The following CWF19L2 variants were observed in gnomAD, a reference collection of about 807,000 sequenced individuals.
CWF19L2 encodes the protein CWF19-like protein 2.
In CWF19L2, 98 loss-of-function variants were observed where a neutral mutation model predicts 111.7. The ratio of observed to expected loss-of-function variants is 0.88; its 90% CI spans 0.75 to 1.04. The LOEUF is 1.04. Ranked by LOEUF, CWF19L2 falls within the 50% of genes least tolerant of loss-of-function variation. CWF19L2 has a pLI of 0.00. For missense variants in CWF19L2, 1,101 were observed against 1,051.4 expected, an observed-to-expected ratio of 1.05 and a Z score of -0.65; for synonymous variants, 351 against 342.9, an observed-to-expected ratio of 1.02 and a Z score of -0.26.
At chr11:107,383,169 G>C (rs77679833) in intron 12 of CWF19L2, among the ~76,000 whole-genome samples, 1,710 of 152,268 alleles carry the variant, frequency 0.011, 12 homozygotes, top group Non-Finnish European at 0.018. Context: ...TACCCGAAGT[G>C]GGGGGGTCAT....
Position 107,363,330 on chromosome 11 carries a change from A to G in CWF19L2, c.1873-9594T>C, listed in dbSNP as rs935875322. ...TTCAGGAAGTACAGAGAATGCCACA[A>G]AGATACTCCTCGAGAAGAGCAACAC... On this transcript the variant is annotated intron_variant, in intron 12 of 17. Transcript: ENST00000282251. Among the ~76,000 whole-genome samples, 7 of 152,130 alleles carry G rather than the reference A, an allele frequency of 4.6e-5. 1 individual carries two copies. The highest frequency in any genetic ancestry group is 6.6e-5 in the Admixed American group (1 of 15,258).
intron 10 of CWF19L2, among the ~76,000 whole-genome samples, chr11:107,397,694 C>G (rs979429569): frequency 2.0e-5 from 3 of 152,176 alleles, no homozygotes; most frequent in African/African-American, 7.2e-5. Context: ...AGTGCCACCT[C>G]CTGGCAGGAG....
chr11:107,367,688 GA>G, intron 12 of CWF19L2, among the ~76,000 whole-genome samples: 2 of 68,666 alleles, frequency 2.9e-5, no homozygotes, highest in Admixed American at 3.6e-4. Context: ...GGGGTGGGGG[GA>G]GGGGGGAGGG....
intron 13 of CWF19L2, among the ~76,000 whole-genome samples, chr11:107,351,820 C>T (rs914743599): frequency 2.0e-5 from 3 of 152,132 alleles, no homozygotes; most frequent in African/African-American, 7.2e-5. Flanking sequence ...GCCTTGTGTA[C>T]TTCTGCTAAT....
chr11:107,444,708 C>CCT (rs1182691106), intron 3 of CWF19L2, among the ~76,000 whole-genome samples: 1 of 152,120 alleles, frequency 6.6e-6, no homozygotes, highest in Non-Finnish European at 1.5e-5. Context: ...ATAAAGCTAT[C>CCT]CTCTTCTTCT....
chr11:107,348,884 T>C (rs1591155071), intron 14 of CWF19L2, 53 bp downstream of exon 14: 4 of 1,010,682 alleles, frequency 4.0e-6, no homozygotes, highest in Non-Finnish European at 6.0e-6. Flanking sequence ...CACAATAATT[T>C]ACAAAAATTG....
chr11:107,454,980 A>G (rs987455447), intron 2 of CWF19L2, among the ~76,000 whole-genome samples: 3 of 152,206 alleles, frequency 2.0e-5, no homozygotes, highest in Non-Finnish European at 4.4e-5. Flanking sequence ...AAATATAACA[A>G]GATAGCACAA....
intron 3 of CWF19L2, among the ~76,000 whole-genome samples, chr11:107,453,639 T>A (rs1318267364): frequency 6.6e-6 from 1 of 151,310 alleles, no homozygotes; most frequent in Non-Finnish European, 1.5e-5. Context: ...AGAGCCTCCT[T>A]CTGCTTGAGA....
At chr11:107,394,730 C>G (rs1433729287) in intron 10 of CWF19L2, among the ~76,000 whole-genome samples, 1 of 152,008 alleles carries the variant, frequency 6.6e-6, no homozygotes, top group African/African-American at 2.4e-5. Flanking sequence ...ACAAAGTCAC[C>G]TTCACTTTCT....
intron 12 of CWF19L2, among the ~76,000 whole-genome samples, chr11:107,362,804 C>T (rs375373259): frequency 0.089 from 13,461 of 151,490 alleles, 958 homozygotes; most frequent in East Asian, 0.21. Flanking sequence ...TCACCAGCAA[C>T]GGAACAAAGC....
In CWF19L2 at chr11:107,353,728, T is replaced by A; in HGVS notation, c.1881A>T (p.Gly627=). 6.2e-7 allele frequency: 1 copy of A among 1,613,604 alleles called. No homozygotes were observed. Among genetic ancestry groups the A allele is most frequent in the Non-Finnish European group, 8.5e-7 (1 of 1,179,686 alleles). Residue 627 remains glycine, a synonymous_variant, in exon 13 of 18, where the codon GGA becomes GGT. Coordinates refer to ENST00000282251, the MANE Select transcript of CWF19L2 (RefSeq NM_152434.3). ...LFMRMASKFM[G]KTDGDYYTLD... is the part of the protein sequence containing the mutation. ...GGGTGTAATAGTCTCCATCTGTTTTTCCCATAAACTGAAAAACCAAAATAA... is the reference window on the plus strand; with the variant it reads ...GGGTGTAATAGTCTCCATCTGTTTTACCCATAAACTGAAAAACCAAAATAA...
In CWF19L2 at chr11:107,403,664, T is replaced by A. The variant is rs1032850829; in HGVS notation, c.1618-10769A>T. Reference sequence around the variant, plus strand: ...CTTCTCCTCACCTTTGTTTGGTGCTTGTTCTTCCTCAGGAATGATGCTGCC... The same window carrying A: ...CTTCTCCTCACCTTTGTTTGGTGCTAGTTCTTCCTCAGGAATGATGCTGCC... On this transcript the variant is annotated intron_variant, in intron 10 of 17. Coordinates refer to ENST00000282251, the MANE Select transcript of CWF19L2 (RefSeq NM_152434.3). The A allele has an allele frequency of 7.7e-6, 6 of 777,544 alleles. No individual in the cohort carries two copies. The African/African-American group carries it at 1.0e-4, about 13-fold the overall frequency. 48.2% of individuals were successfully genotyped at this position (777,544 alleles called of 1,614,324 possible). A position where few individuals can be genotyped will look rare whatever the true frequency, so the allele number is the denominator to read the frequency against.
intron 7 of CWF19L2, among the ~76,000 whole-genome samples, chr11:107,431,379 A>G (rs1048240946): frequency 1.3e-5 from 2 of 151,998 alleles, no homozygotes; most frequent in African/African-American, 4.8e-5. Flanking sequence ...AAATAACCTC[A>G]ATGGCATATG....
At chr11:107,387,294 A>G (rs553146415) in intron 12 of CWF19L2, among the ~76,000 whole-genome samples, 5 of 152,142 alleles carry the variant, frequency 3.3e-5, no homozygotes, top group African/African-American at 9.6e-5. Flanking sequence ...TACCACTGTA[A>G]TCCATCCATG....
chr11:107,403,081 C>T (rs1861029911), intron 10 of CWF19L2, among the ~76,000 whole-genome samples: 1 of 151,064 alleles, frequency 6.6e-6, no homozygotes, highest in South Asian at 2.1e-4. Context: ...AAGAATGATA[C>T]AATGCACTTT....
At chr11:107,363,187 C>A (rs1213200218) in intron 12 of CWF19L2, among the ~76,000 whole-genome samples, 4 of 152,182 alleles carry the variant, frequency 2.6e-5, no homozygotes, top group Admixed American at 2.0e-4. Flanking sequence ...AAGACCAAAT[C>A]TACGTCGGAT....
chr11:107,404,709 T>C (rs1861053835), intron 10 of CWF19L2: 1 of 372,446 alleles, frequency 2.7e-6, no homozygotes, highest in South Asian at 2.5e-5. Context: ...TGTATACTGT[T>C]TTGTATTGAT....
At chr11:107,357,046 A>AAAACAG (rs1243833924) in intron 12 of CWF19L2, among the ~76,000 whole-genome samples, 2 of 6,264 alleles carry the variant, frequency 3.2e-4, no homozygotes, top group Admixed American at 1.4e-3. Context: ...CTCAAACAAC[A>AAAACAG]AAACAAAAAC....
At chr11:107,406,684 CT>C (rs548040686) in intron 10 of CWF19L2, among the ~76,000 whole-genome samples, 352 of 140,278 alleles carry the variant, frequency 2.5e-3, no homozygotes, top group East Asian at 8.5e-3. Context: ...TTGTGTTTTC[CT>C]TTTTTTTTTT....
Sources: gnomAD v4.1 joint callset for allele counts (sites outside exome capture counted in the v4.1 genomes callset) on GRCh38, gnomAD v4.1.1 for gene constraint, MANE v1.5 for transcripts, NCBI Gene and HGNC (gene_info 2026-07-23, HGNC 2026-07-21) for gene names.